Variants in DEFB1 observed in about 807,000 individuals in gnomAD.
DEFB1 encodes the protein defensin beta 1, also known as beta-defensin 1.
DEFB1 carries 4 observed loss-of-function variants against 2.6 expected under a neutral mutation model. The ratio of observed to expected loss-of-function variants is 1.53; its 90% CI spans 0.76 to 3.51. DEFB1 has a LOEUF of 3.51. Among genes scored for constraint, DEFB1 ranks in the 30% most tolerant of loss-of-function variants. The pLI is 0.01. For synonymous variants in DEFB1, 56 were observed against 28.5 expected, an observed-to-expected ratio of 1.96 and a Z score of -3.07; for missense variants, 162 against 76.9, an observed-to-expected ratio of 2.11 and a Z score of -4.14.
chr8:6,873,085 C>A (rs1388942247), intron 1 of DEFB1, among the ~76,000 whole-genome samples: 6 of 152,174 alleles, frequency 3.9e-5, no homozygotes, highest in African/African-American at 1.4e-4. Context: ...GCTGATTAAG[C>A]AGAGGAGGCC....
intron 1 of DEFB1, 76 bp from the exon 2 acceptor site, chr8:6,870,902 G>A (rs5743488): frequency 5.4e-6 from 8 of 1,489,840 alleles, no homozygotes; most frequent in Non-Finnish European, 7.2e-6. Flanking sequence ...CGCGAAAGCA[G>A]AACAAATAAC....
chr8:6,875,071 C>T (rs1003778028), intron 1 of DEFB1, among the ~76,000 whole-genome samples: 1 of 81,908 alleles, frequency 1.2e-5, no homozygotes, highest in Non-Finnish European at 3.2e-5. Flanking sequence ...AAGCCACACA[C>T]ACACACACAC....
intron 1 of DEFB1, among the ~76,000 whole-genome samples, chr8:6,872,246 C>T (rs1161527311): frequency 6.6e-6 from 1 of 152,078 alleles, no homozygotes; most frequent in African/African-American, 2.4e-5. Flanking sequence ...ATAGAGGCTT[C>T]ATTTCTCTCA....
At chr8:6,876,113 C>G (rs774734626) in intron 1 of DEFB1, among the ~76,000 whole-genome samples, 2 of 152,160 alleles carry the variant, frequency 1.3e-5, no homozygotes, top group Non-Finnish European at 2.9e-5. Context: ...ACACCCCAAA[C>G]TGAAATATGG....
chr8:6,873,054 C>A (rs1264740198), intron 1 of DEFB1, among the ~76,000 whole-genome samples: 5 of 152,200 alleles, frequency 3.3e-5, no homozygotes, highest in Non-Finnish European at 7.3e-5. Context: ...TCTCAGTAAT[C>A]AAATGGTTGG....
Position 6,870,649 on chromosome 8 carries a change from C to A in DEFB1, c.*32G>T. ...GAATGCTTATAAAAAGTTCATTTCA[C>A]TTCTGCGTCATTTCTTCTGGTCACT... On this transcript the variant is annotated 3_prime_UTR_variant, in exon 2 of 2. Coordinates refer to ENST00000297439, the MANE Select transcript of DEFB1 (RefSeq NM_005218.4). 3 of 1,601,006 alleles carry A rather than the reference C, an allele frequency of 1.9e-6. No individual in the cohort carries two copies. Among genetic ancestry groups the A allele is most frequent in the Non-Finnish European group, 1.7e-6 (2 of 1,175,644 alleles).
chr8:6,873,317 C>G (rs55898904), intron 1 of DEFB1, among the ~76,000 whole-genome samples: 3 of 152,194 alleles, frequency 2.0e-5, no homozygotes, highest in African/African-American at 4.8e-5. Flanking sequence ...TGTGGTGTCA[C>G]GGTGCATAAC....
intron 1 of DEFB1, among the ~76,000 whole-genome samples, chr8:6,871,812 C>G (rs992675161): frequency 1.3e-5 from 2 of 152,174 alleles, no homozygotes; most frequent in African/African-American, 4.8e-5. Context: ...CTGCTTCCAC[C>G]TTGATCGCAG....
intron 1 of DEFB1, 64 bp downstream of exon 1, chr8:6,877,733 C>T (rs989285343): frequency 6.9e-7 from 1 of 1,449,198 alleles, no homozygotes; most frequent in South Asian, 1.2e-5. Flanking sequence ...CCATCCGAGA[C>T]TCACATCAGC....
chr8:6,870,879 T>G, intron 1 of DEFB1, 53 bp from the exon 2 acceptor site: 1 of 1,553,246 alleles, frequency 6.4e-7, no homozygotes, highest in Non-Finnish European at 8.7e-7. Context: ...GCTGCAACGA[T>G]TTGAGAACAT....
chr8:6,873,168 A>T (rs1806385301), intron 1 of DEFB1, among the ~76,000 whole-genome samples: 1 of 152,158 alleles, frequency 6.6e-6, no homozygotes, highest in Non-Finnish European at 1.5e-5. Context: ...CCTTTCTGTG[A>T]TCCTCTCCCC....
chr8:6,874,800 G>C (rs1251133629), intron 1 of DEFB1, among the ~76,000 whole-genome samples: 1 of 152,050 alleles, frequency 6.6e-6, no homozygotes, highest in African/African-American at 2.4e-5. Context: ...TGGCCAACAT[G>C]GTGAAACCTG....
chr8:6,875,940 C>G (rs991216851), intron 1 of DEFB1, among the ~76,000 whole-genome samples: 1 of 152,064 alleles, frequency 6.6e-6, no homozygotes, highest in Non-Finnish European at 1.5e-5. Flanking sequence ...GGAGTTGTGA[C>G]TGGGAAGGCT....
chr8:6,872,281 C>T (rs1806350940), intron 1 of DEFB1, among the ~76,000 whole-genome samples: 1 of 152,160 alleles, frequency 6.6e-6, no homozygotes, highest in South Asian at 2.1e-4. Context: ...CAGCACCATC[C>T]AATATGGCAG....
chr8:6,870,792 A>G lies in DEFB1; in HGVS notation c.96T>C (p.Ser32=), dbSNP rs79010744. ...CACTGCTGACGCAATTGTAATGATC[A>G]GATCTGTGGCCAAGGCCTGTGAGAA... The part of the protein sequence containing the change: ...GNFLTGLGHR[S]DHYNCVSSGG... Residue 32 remains serine (S), a synonymous_variant, in exon 2 of 2, where the codon TCT becomes TCC. Coordinates refer to ENST00000297439, the MANE Select transcript of DEFB1 (RefSeq NM_005218.4). 137 of 1,614,124 alleles carry G rather than the reference A, an allele frequency of 8.5e-5. No homozygotes were observed. In the East Asian group the frequency reaches 3.0e-3, roughly 36 times the overall value.
chr8:6,872,724 T>G (rs1303543495), intron 1 of DEFB1, among the ~76,000 whole-genome samples: 1 of 152,202 alleles, frequency 6.6e-6, no homozygotes, highest in Non-Finnish European at 1.5e-5. Context: ...ATTGCCAGCT[T>G]ATATTCTTTT....
At chr8:6,872,061 C>T (rs910507961) in intron 1 of DEFB1, among the ~76,000 whole-genome samples, 3 of 152,164 alleles carry the variant, frequency 2.0e-5, no homozygotes, top group African/African-American at 7.2e-5. Flanking sequence ...CCACTTTTTG[C>T]AGTAATTCCA....
intron 1 of DEFB1, among the ~76,000 whole-genome samples, chr8:6,872,042 G>A (rs563502360): frequency 6.6e-6 from 1 of 152,202 alleles, no homozygotes; most frequent in South Asian, 2.1e-4. Flanking sequence ...CCATCCAAAG[G>A]CTATTTTTCC....
chr8:6,877,718 G>A (rs1806584173), intron 1 of DEFB1, 79 bp downstream of exon 1: 6 of 1,301,184 alleles, frequency 4.6e-6, no homozygotes, highest in Non-Finnish European at 6.6e-6. Context: ...GGGACACGGA[G>A]GCAGCCATCC....
Sources: allele counts gnomAD v4.1 joint callset (sites outside exome capture counted in the v4.1 genomes callset), GRCh38; gene constraint gnomAD v4.1.1; transcripts MANE v1.5; gene names NCBI Gene and HGNC (gene_info 2026-07-23, HGNC 2026-07-21).